The following TNNI3K variants were observed in gnomAD, a reference collection of about 807,000 sequenced individuals.
The protein encoded by TNNI3K is TNNI3 interacting kinase.
Under a neutral mutation model 114.5 loss-of-function variants are expected in TNNI3K, and 140 were observed. The observed-to-expected ratio is 1.22, with a 90% CI of 1.07 to 1.41. The LOEUF (loss-of-function observed/expected upper bound fraction) is 1.41. TNNI3K is among the 40% of genes most tolerant of loss of function. The probability of loss-of-function intolerance (pLI) is 0.00; values close to 1 mark genes in which losing one functional copy is unlikely to be tolerated. For synonymous variants in TNNI3K, 347 were observed against 347.5 expected (o/e 1.00, Z 0.02); for missense variants, 1,125 against 1,007.6 (o/e 1.12, Z -1.58).
At chr1:74,511,570 A>G (rs1026712050) in intron 23 of TNNI3K, among the ~76,000 whole-genome samples, 1 of 152,118 alleles carries the variant, frequency 6.6e-6, no homozygotes, top group African/African-American at 2.4e-5. Flanking sequence ...GCATTTATCT[A>G]TCATTTATTA....
chr1:74,273,352 A>G (rs1236739370), intron 5 of TNNI3K, among the ~76,000 whole-genome samples: 1 of 151,926 alleles, frequency 6.6e-6, no homozygotes, highest in Non-Finnish European at 1.5e-5. Flanking sequence ...TCACCTAAAT[A>G]TAAATGTTTT....
chr1:74,471,092 T>C (rs1487943920), intron 21 of TNNI3K: 1 of 400,608 alleles, frequency 2.5e-6, no homozygotes. Flanking sequence ...TCAGTGGGTG[T>C]AGGTTGGGGC....
intron 11 of TNNI3K, among the ~76,000 whole-genome samples, chr1:74,359,279 G>T (rs1475207368): frequency 6.6e-6 from 1 of 151,996 alleles, no homozygotes; most frequent in African/African-American, 2.4e-5. Context: ...TAAGTGCTTG[G>T]CACATAACAG....
At chr1:74,391,957 A>ATTATTTTTTTTTTTTTTTTTT (rs1369570973) in intron 17 of TNNI3K, among the ~76,000 whole-genome samples, 4 of 92,990 alleles carry the variant, frequency 4.3e-5, no homozygotes, top group Admixed American at 1.2e-4. Context: ...ACAGCTTATT[A>ATTATTTTTTTTTTTTTTTTTT]TTTTTTTTTT....
intron 23 of TNNI3K, among the ~76,000 whole-genome samples, chr1:74,515,449 T>A (rs1263086582): frequency 6.6e-6 from 1 of 152,196 alleles, no homozygotes; most frequent in Non-Finnish European, 1.5e-5. Context: ...AATTCTAACG[T>A]TTTATCATGC....
intron 2 of TNNI3K, among the ~76,000 whole-genome samples, chr1:74,242,590 TA>T (rs1319352615): frequency 6.6e-6 from 1 of 152,184 alleles, no homozygotes. Context: ...AATGTCATCT[TA>T]TAATTAACAT....
chr1:74,366,179 T>G (rs1334303599), intron 11 of TNNI3K, among the ~76,000 whole-genome samples: 6 of 152,038 alleles, frequency 3.9e-5, no homozygotes, highest in Admixed American at 3.9e-4. Flanking sequence ...TGGATAAGTA[T>G]TTATGCTTTT....
At chr1:74,250,317 T>A (rs1334205750) in intron 3 of TNNI3K, among the ~76,000 whole-genome samples, 1 of 152,214 alleles carries the variant, frequency 6.6e-6, no homozygotes, top group Non-Finnish European at 1.5e-5. Context: ...CTGTTAATAA[T>A]GTTCAGATAA....
intron 23 of TNNI3K, 36 bp from the exon 24 acceptor site, chr1:74,540,198 A>C: frequency 6.2e-7 from 1 of 1,604,070 alleles, no homozygotes; most frequent in Non-Finnish European, 8.5e-7. Flanking sequence ...TTATCAGATC[A>C]CCATACTGTG....
At chr1:74,244,808 A>G (rs1654455166) in intron 2 of TNNI3K, among the ~76,000 whole-genome samples, 1 of 151,720 alleles carries the variant, frequency 6.6e-6, no homozygotes, top group South Asian at 2.1e-4. Context: ...TCAAATTTAG[A>G]TCACAGAATA....
intron 11 of TNNI3K, among the ~76,000 whole-genome samples, chr1:74,356,131 A>G (rs1661643742): frequency 6.6e-6 from 1 of 152,124 alleles, no homozygotes. Context: ...ATGCTATGCT[A>G]TGTACTTCTT....
At chr1:74,307,324 T>C (rs986783580) in intron 5 of TNNI3K, among the ~76,000 whole-genome samples, 15 of 152,192 alleles carry the variant, frequency 9.9e-5, no homozygotes, top group South Asian at 4.2e-4. Context: ...TTAAAAGACA[T>C]AGAGTTGCAA....
chr1:74,333,042 C>A (rs1041547700), intron 6 of TNNI3K, among the ~76,000 whole-genome samples: 1 of 150,238 alleles, frequency 6.7e-6, no homozygotes, highest in Non-Finnish European at 1.5e-5. Context: ...TTGAATACTC[C>A]ATTTTCACTC....
intron 17 of TNNI3K, among the ~76,000 whole-genome samples, chr1:74,389,310 G>T (rs1346396124): frequency 6.6e-6 from 1 of 152,174 alleles, no homozygotes; most frequent in Non-Finnish European, 1.5e-5. Context: ...AAAATGGAAA[G>T]ATGTCAATCA....
At chr1:74,262,210 G>A (rs140385605) in intron 4 of TNNI3K, among the ~76,000 whole-genome samples, 140 of 152,100 alleles carry the variant, frequency 9.2e-4, no homozygotes, top group African/African-American at 3.3e-3. Context: ...TGACAATTTG[G>A]ATTGGATAAT....
intron 5 of TNNI3K, among the ~76,000 whole-genome samples, chr1:74,322,618 GC>G: frequency 6.6e-6 from 1 of 151,824 alleles, no homozygotes; most frequent in African/African-American, 2.4e-5. Flanking sequence ...ACATCGCCAC[GC>G]CCAGCTAATT....
At chr1:74,309,135 G>A (rs1237413276) in intron 5 of TNNI3K, among the ~76,000 whole-genome samples, 3 of 151,710 alleles carry the variant, frequency 2.0e-5, no homozygotes, top group Admixed American at 6.6e-5. Flanking sequence ...TTGGGAGGCC[G>A]AGGTGGGCGG....
chr1:74,236,367 A>T (rs1653860561), intron 2 of TNNI3K, among the ~76,000 whole-genome samples, 157 bp downstream of exon 2: 3 of 151,922 alleles, frequency 2.0e-5, no homozygotes, highest in Middle Eastern at 6.8e-3. Flanking sequence ...TTGACCACTC[A>T]TATAGCTCTC....
At chr1:74,480,041 C>T (rs975497680) in intron 21 of TNNI3K, 8 of 613,138 alleles carry the variant, frequency 1.3e-5, no homozygotes, top group African/African-American at 1.3e-4. Context: ...CTGGCAACCT[C>T]TCCTTTCCAT....
Sources: gnomAD v4.1 joint callset for allele counts (sites outside exome capture counted in the v4.1 genomes callset) on GRCh38, gnomAD v4.1.1 for gene constraint, MANE v1.5 for transcripts, NCBI Gene and HGNC (gene_info 2026-07-23, HGNC 2026-07-21) for gene names.